Variants in PRKCI observed in about 807,000 individuals in gnomAD.
The protein encoded by PRKCI is protein kinase C iota type.
A neutral mutation model predicts 84.0 loss-of-function variants in PRKCI; 43 were observed. The observed-to-expected ratio is 0.51, with a 90% confidence interval of 0.40 to 0.66. PRKCI has a LOEUF of 0.66. PRKCI is among the 30% of genes least tolerant of loss of function. The pLI is 0.00. For synonymous variants in PRKCI, 216 were observed against 234.4 expected (o/e 0.92, Z 0.72); for missense variants, 459 against 745.6 (o/e 0.62, Z 4.48).
intron 2 of PRKCI, among the ~76,000 whole-genome samples, chr3:170,250,439 C>T (rs930480860): frequency 9.6e-6 from 1 of 104,042 alleles, no homozygotes; most frequent in East Asian, 3.7e-4. Context: ...CCAACCCCCC[C>T]CCCCCAAAAA....
chr3:170,232,464 C>G (rs1732825834), intron 1 of PRKCI, among the ~76,000 whole-genome samples: 1 of 152,146 alleles, frequency 6.6e-6, no homozygotes, highest in Non-Finnish European at 1.5e-5. Flanking sequence ...TTCCTGGGCT[C>G]AAGCTGCACT....
intron 6 of PRKCI, 97 bp from the exon 7 acceptor site, chr3:170,273,189 A>C: frequency 9.7e-7 from 1 of 1,028,220 alleles, no homozygotes; most frequent in Non-Finnish European, 1.5e-6. Flanking sequence ...TTCTTTCAAA[A>C]TTAAATTTTA....
intron 7 of PRKCI, among the ~76,000 whole-genome samples, chr3:170,274,291 C>T (rs1019447778): frequency 6.6e-6 from 1 of 152,084 alleles, no homozygotes; most frequent in African/African-American, 2.4e-5. Context: ...GCCACCATGC[C>T]CAGCTAATTT....
chr3:170,270,378 G>A (rs901231219), intron 5 of PRKCI, 43 bp from the exon 6 acceptor site: 1 of 1,548,962 alleles, frequency 6.5e-7, no homozygotes, highest in East Asian at 2.3e-5. Context: ...AAATGGTTAT[G>A]ACCTTCTTGG....
intron 14 of PRKCI, among the ~76,000 whole-genome samples, chr3:170,295,626 A>C (rs1488460710): frequency 6.6e-6 from 1 of 150,906 alleles, no homozygotes; most frequent in East Asian, 1.9e-4. Flanking sequence ...CAGTGAGCTG[A>C]GATCGTGCCA....
intron 14 of PRKCI, 51 bp from the exon 15 acceptor site, chr3:170,295,860 A>G (rs1364683497): frequency 5.3e-6 from 6 of 1,130,788 alleles, no homozygotes; most frequent in South Asian, 3.3e-5. Context: ...AAGAAAAAAG[A>G]TTAAAGCCAT....
At chr3:170,238,838 G>T (rs912133624) in intron 2 of PRKCI, among the ~76,000 whole-genome samples, 2 of 152,012 alleles carry the variant, frequency 1.3e-5, no homozygotes, top group African/African-American at 4.8e-5. Context: ...TGATCCACCC[G>T]CCTTGGCCTC....
At chr3:170,291,338 C>T (rs1734545859) in intron 12 of PRKCI, among the ~76,000 whole-genome samples, 1 of 152,158 alleles carries the variant, frequency 6.6e-6, no homozygotes, top group African/African-American at 2.4e-5. Flanking sequence ...ATTGAATCAA[C>T]TCTAGCAACA....
intron 16 of PRKCI, among the ~76,000 whole-genome samples, chr3:170,297,646 G>T (rs944346389): frequency 2.7e-5 from 4 of 150,676 alleles, no homozygotes; most frequent in African/African-American, 7.3e-5. Flanking sequence ...GAGATGGGGG[G>T]GGTTTCACAA....
At chr3:170,292,537 A>C (rs1483445686) in intron 13 of PRKCI, among the ~76,000 whole-genome samples, 1 of 152,126 alleles carries the variant, frequency 6.6e-6, no homozygotes, top group Non-Finnish European at 1.5e-5. Context: ...TACTTGTGAG[A>C]GCTGCTCAAA....
chr3:170,287,277 C>T (rs761679002), intron 12 of PRKCI, among the ~76,000 whole-genome samples: 6 of 151,830 alleles, frequency 4.0e-5, no homozygotes, highest in South Asian at 4.2e-4. Context: ...GAGCTGTAAT[C>T]GCGCCACTGC....
At chr3:170,301,822 C>A (rs377048806) in intron 17 of PRKCI, among the ~76,000 whole-genome samples, 6 of 152,248 alleles carry the variant, frequency 3.9e-5, no homozygotes, top group African/African-American at 1.4e-4. Flanking sequence ...ATTCTTGAAC[C>A]CCTTTAATTA....
At chr3:170,283,153 A>G (rs1209021256) in intron 11 of PRKCI, among the ~76,000 whole-genome samples, 1 of 151,694 alleles carries the variant, frequency 6.6e-6, no homozygotes, top group East Asian at 1.9e-4. Context: ...CCTTAATTTG[A>G]TATTAATATA....
At chr3:170,302,582 G>A (rs1314562952) in intron 17 of PRKCI, among the ~76,000 whole-genome samples, 1 of 152,144 alleles carries the variant, frequency 6.6e-6, no homozygotes, top group Non-Finnish European at 1.5e-5. Context: ...TCCCTGCGGT[G>A]TTCTCTCCTC....
At chr3:170,251,642 G>A (rs567164580) in intron 2 of PRKCI, among the ~76,000 whole-genome samples, 2 of 152,280 alleles carry the variant, frequency 1.3e-5, no homozygotes, top group Admixed American at 1.3e-4. Context: ...AGGTGTGGTG[G>A]CTCACACCTG....
chr3:170,270,628 A>T, intron 6 of PRKCI, 67 bp downstream of exon 6: 1 of 1,488,234 alleles, frequency 6.7e-7, no homozygotes, highest in African/African-American at 1.5e-5. Context: ...GCTATAACAG[A>T]GTGCTAAAAT....
At chr3:170,263,470 A>AT (rs750537364) in intron 4 of PRKCI, 41 bp downstream of exon 4, 18 of 1,485,256 alleles carry the variant, frequency 1.2e-5, no homozygotes, top group Non-Finnish European at 1.7e-5. Flanking sequence ...AAGAGTTACT[A>AT]TGCTATGGTA....
chr3:170,232,629 C>T (rs1431339521), intron 1 of PRKCI, among the ~76,000 whole-genome samples: 3 of 151,458 alleles, frequency 2.0e-5, no homozygotes, highest in Non-Finnish European at 2.9e-5. Context: ...TCCAATGGCT[C>T]GATCATGGCT....
chr3:170,302,724 C>T (rs770077812), intron 17 of PRKCI, among the ~76,000 whole-genome samples: 14 of 152,150 alleles, frequency 9.2e-5, no homozygotes, highest in South Asian at 2.1e-4. Context: ...TGGATGTTCA[C>T]CTGTAACTAG....
Sources: gnomAD v4.1 joint callset for allele counts (sites outside exome capture counted in the v4.1 genomes callset) on GRCh38, gnomAD v4.1.1 for gene constraint, MANE v1.5 for transcripts, NCBI Gene and HGNC (gene_info 2026-07-23, HGNC 2026-07-21) for gene names.